Variants in PYGL observed in about 807,000 individuals in gnomAD.
PYGL encodes glycogen phosphorylase, liver form.
Under a neutral mutation model 100.1 loss-of-function variants are expected in PYGL, and 90 were observed. The observed-to-expected ratio is 0.90, with a 90% confidence interval of 0.76 to 1.07. PYGL has a LOEUF of 1.07. Among genes scored for constraint, PYGL ranks in the 50% least tolerant of loss-of-function variants. PYGL has a pLI of 0.00. For missense variants in PYGL, 1,016 were observed against 1,057.6 expected (o/e 0.96, Z 0.55); for synonymous variants, 373 against 393.0 (o/e 0.95, Z 0.60).
intron 3 of PYGL, among the ~76,000 whole-genome samples, chr14:50,931,997 T>A (rs1401946438): frequency 2.6e-5 from 4 of 152,138 alleles, no homozygotes; most frequent in African/African-American, 9.7e-5. Flanking sequence ...AATGCAAAAA[T>A]GTATAAAGAA....
chr14:50,908,411 T>A, intron 18 of PYGL, 74 bp from the exon 19 acceptor site: 1 of 1,326,892 alleles, frequency 7.5e-7, no homozygotes, highest in Non-Finnish European at 1.1e-6. Flanking sequence ...AAATTCCATG[T>A]AAAATCATCT....
In PYGL at chr14:50,908,417, C is replaced by A; in HGVS notation, c.2313-80G>T. ...TATATGCTAAAATTCCATGTAAAAT[C>A]ATCTTTTGCTTAATATCAGGCATGG... On this transcript the variant is annotated intron_variant, in intron 18 of 19. Transcript: ENST00000216392. 3.1e-6 allele frequency: 4 copies of A among 1,305,950 alleles called. No individual in the cohort carries two copies. The Admixed American group carries it at 6.9e-5, about 23-fold the overall frequency. The allele number at this position is 1,305,950 out of a possible 1,614,324, so 80.9% of individuals were successfully genotyped here.
chr14:50,940,762 C>A (rs1360807373), intron 1 of PYGL, among the ~76,000 whole-genome samples: 1 of 152,090 alleles, frequency 6.6e-6, no homozygotes, highest in African/African-American at 2.4e-5. Flanking sequence ...TGGATATTTT[C>A]AAAAGGCTTG....
intron 17 of PYGL, 89 bp from the exon 18 acceptor site, chr14:50,909,044 A>G (rs1169590654): frequency 7.1e-7 from 1 of 1,399,632 alleles, no homozygotes; most frequent in Non-Finnish European, 1.0e-6. Context: ...ATTCACTGTG[A>G]AAAAATACAT....
At chr14:50,938,067 T>G (rs1475751091) in intron 1 of PYGL, among the ~76,000 whole-genome samples, 2 of 152,190 alleles carry the variant, frequency 1.3e-5, no homozygotes, top group South Asian at 2.1e-4. Context: ...CTCAGAACGT[T>G]TGGCATTCTA....
chr14:50,940,084 C>A (rs1374139240), intron 1 of PYGL, among the ~76,000 whole-genome samples: 1 of 152,150 alleles, frequency 6.6e-6, no homozygotes, highest in Non-Finnish European at 1.5e-5. Flanking sequence ...CTATTAGATA[C>A]CTTCGAATGA....
At position 50,912,239 on chromosome 14, in the gene PYGL, G is replaced by A; in HGVS notation, c.1685C>T (p.Ser562Phe). 6.2e-7 allele frequency: 1 copy of A among 1,614,064 alleles called. No homozygotes were observed. The change falls in exon 14 of 20, where the codon TCC becomes TTC. Residue 562 changes from serine to phenylalanine, a missense_variant. Ser to Phe is a radical substitution (Grantham distance 155). Transcript: ENST00000216392. ...TEYKVKINPS[S>F]MFDVQVKRIH... is the part of the protein sequence containing the mutation. ...CCTCTTCACCTGGACATCAAACATGGAGGATGGGTTGATCTTCACTTTGTA... is the reference window on the plus strand; with the variant it reads ...CCTCTTCACCTGGACATCAAACATGAAGGATGGGTTGATCTTCACTTTGTA...
chr14:50,905,351 G>C lies in PYGL; in HGVS notation c.*41C>G. 1 of 1,569,122 alleles carries C rather than the reference G, an allele frequency of 6.4e-7. No homozygotes were observed. The highest frequency in any genetic ancestry group is 8.8e-7 in the Non-Finnish European group (1 of 1,141,094). ...CAGTGAATGTTGTAAAAATGTTCAA[G>C]TTCAGTAAGAAGCTATGTTTTCTAG... On this transcript the variant is annotated 3_prime_UTR_variant, in exon 20 of 20. Coordinates refer to ENST00000216392, the MANE Select transcript of PYGL (RefSeq NM_002863.5).
chr14:50,943,957 A>T (rs1194133414), intron 1 of PYGL, among the ~76,000 whole-genome samples: 2 of 152,218 alleles, frequency 1.3e-5, no homozygotes, highest in Non-Finnish European at 2.9e-5. Flanking sequence ...GGCACCTCGG[A>T]GACATGAGTT....
rs189568546 is a variant in PYGL, at chr14:50,917,815, C to T, written c.856-710G>A. Among the ~76,000 whole-genome samples the T allele has an allele frequency of 5.3e-5, 8 of 152,324 alleles. No homozygotes were observed. In the South Asian group the frequency reaches 1.0e-3, roughly 20 times the overall value. ...TAGATTTGCTGTCGGTCACCTCAAC[C>T]GTGTAAATGTCACCAAGAAATGGTC... On this transcript the variant is annotated intron_variant, in intron 7 of 19. Coordinates refer to ENST00000216392, the MANE Select transcript of PYGL (RefSeq NM_002863.5).
rs535518625 is a variant in PYGL at position 50,931,874 on chromosome 14, A to T, written c.425-98T>A. On this transcript the variant is annotated intron_variant, in intron 3 of 19. Transcript: ENST00000216392. ...CACATGGCAGCCACAAAACATTGTT[A>T]TATGAAGAACCACATTTGTATTCTA... The T allele has an allele frequency of 3.6e-5, 33 of 926,322 alleles. No homozygotes were observed. The African/African-American group carries it at 5.0e-4, about 14-fold the overall frequency. The allele number at this position is 926,322 out of a possible 1,614,324, so 57.4% of individuals were successfully genotyped here.
intron 4 of PYGL, among the ~76,000 whole-genome samples, chr14:50,929,040 C>CTTATT (rs1055767255): frequency 4.5e-4 from 69 of 151,956 alleles, no homozygotes; most frequent in Admixed American, 8.5e-4. Flanking sequence ...TTTCTTTTAT[C>CTTATT]TTATTTTATT....
chr14:50,934,627 T>C (rs2050635468), intron 3 of PYGL, among the ~76,000 whole-genome samples: 1 of 152,056 alleles, frequency 6.6e-6, no homozygotes, highest in Non-Finnish European at 1.5e-5. Context: ...AAGATATATA[T>C]TCCAGACATT....
rs113115100 is a variant in PYGL at position 50,934,066 on chromosome 14, A to G, written c.424+1041T>C. ...TTATGTGTGTGCTTCTTTAGGGTAGATATCAAGTGGAATTACTTGGTTATA... is the reference window on the plus strand; with the variant it reads ...TTATGTGTGTGCTTCTTTAGGGTAGGTATCAAGTGGAATTACTTGGTTATA... On this transcript the variant is annotated intron_variant, in intron 3 of 19. Coordinates refer to ENST00000216392, the MANE Select transcript of PYGL (RefSeq NM_002863.5). 2.4e-3 allele frequency among the ~76,000 whole-genome samples: 360 copies of G among 152,288 alleles called. 1 individual carries two copies. Among genetic ancestry groups the G allele is most frequent in the Non-Finnish European group, 3.4e-3 (231 of 68,034 alleles).
In PYGL at chr14:50,910,058, T is replaced by G. The variant is rs1241000496; in HGVS notation, c.2014A>C (p.Thr672Pro). 6.2e-7 allele frequency: 1 copy of G among 1,614,188 alleles called. No homozygotes were observed. The highest frequency in any genetic ancestry group is 8.5e-7 in the Non-Finnish European group (1 of 1,180,014). ...DLSEQISTAG[T>P]EASGTGNMKF... ...ATATTGCCTGTCCCCGAGGCTTCGG[T>G]GCCTGCAGTGGAAATCTGCTCTGAC... The change falls in exon 17 of 20, where the codon ACC becomes CCC. Residue 672 changes from threonine to proline, a missense_variant. Transcript: ENST00000216392.
Position 50,913,046 on chromosome 14 carries a change from GTTCCCGGAGGAAGACAT to G in PYGL, c.1586_1602del (p.Asp529AlafsTer9), listed in dbSNP as rs2050414143. 4.3e-6 allele frequency: 7 copies of G among 1,613,852 alleles called. No homozygotes were observed. The highest frequency in any genetic ancestry group is 4.2e-6 in the Non-Finnish European group (5 of 1,179,866). ...AGGCTCACCTGCTTCACCTTGGCGA[GTTCCCGGAGGAAGACAT>G]CATCACCCAGGAAGCTGTGGAGCTT... On this transcript the variant is annotated frameshift_variant, in exon 13 of 20. Transcript: ENST00000216392. LOFTEE classifies it high-confidence loss of function.
chr14:50,931,813 T>C (rs1410162611), intron 3 of PYGL, 37 bp from the exon 4 acceptor site: 2 of 1,580,490 alleles, frequency 1.3e-6, no homozygotes, highest in Admixed American at 3.3e-5. Flanking sequence ...GATAGAGTCA[T>C]TAAGCTGAGC....
intron 7 of PYGL, 97 bp from the exon 8 acceptor site, chr14:50,917,202 C>A (rs1596038013): frequency 4.4e-6 from 6 of 1,355,382 alleles, no homozygotes; most frequent in Non-Finnish European, 2.1e-6. Flanking sequence ...AGACTAAGGC[C>A]CATTGGACAT....
intron 1 of PYGL, among the ~76,000 whole-genome samples, chr14:50,941,129 T>C (rs1417290774): frequency 6.6e-6 from 1 of 152,218 alleles, no homozygotes; most frequent in East Asian, 1.9e-4. Flanking sequence ...AGGGGCAAGA[T>C]GCGTTGCTTT....
Sources: allele counts gnomAD v4.1 joint callset (sites outside exome capture counted in the v4.1 genomes callset), GRCh38; gene constraint gnomAD v4.1.1; transcripts MANE v1.5; gene names NCBI Gene and HGNC (gene_info 2026-07-23, HGNC 2026-07-21).